Variants in IPO7 observed in about 807,000 individuals in gnomAD.
IPO7 encodes the protein importin-7.
IPO7 carries 13 observed loss-of-function variants against 136.4 expected under a neutral mutation model. The observed-to-expected ratio is 0.10, with a 90% CI of 0.06 to 0.15. IPO7 has a LOEUF of 0.15. IPO7 is among the 10% of genes least tolerant of loss of function. The pLI is 1.00. For missense variants in IPO7, 857 were observed against 1,240.6 expected (o/e 0.69, Z 4.65); for synonymous variants, 403 against 404.4 (o/e 1.00, Z 0.04).
chr11:9,405,100 AATTATT>A (rs541717152), intron 2 of IPO7, among the ~76,000 whole-genome samples: 1 of 151,802 alleles, frequency 6.6e-6, no homozygotes, highest in African/African-American at 2.4e-5. Context: ...GGCAGATAGG[AATTATT>A]ATTATTATTA....
intron 2 of IPO7, chr11:9,403,654 T>C (rs1347851165): frequency 3.1e-6 from 1 of 321,790 alleles, no homozygotes; most frequent in African/African-American, 2.2e-5. Context: ...TGATGGGTGA[T>C]TATAAGACTC....
rs562716918 is a variant in IPO7, at chr11:9,442,247, TA to T, written c.3019+54del. On this transcript the variant is annotated intron_variant, in intron 24 of 24. Coordinates refer to ENST00000379719, the MANE Select transcript of IPO7 (RefSeq NM_006391.3). ...CTTTAATTAGTGACTTTTATAGGTT[TA>T]AAATTTTATATCGTTTAATTTTATA... 2.7e-4 allele frequency: 208 copies of T among 761,646 alleles called. 1 individual carries two copies. The African/African-American group carries it at 3.6e-3, about 13-fold the overall frequency. The allele number at this position is 761,646 out of a possible 1,614,324, so 47.2% of individuals were successfully genotyped here.
At chr11:9,419,623 C>T (rs752532831) in intron 6 of IPO7, among the ~76,000 whole-genome samples, 44 of 141,910 alleles carry the variant, frequency 3.1e-4, no homozygotes, top group Non-Finnish European at 6.0e-5. Context: ...GTATAATGAT[C>T]CAATTCCTTC....
At chr11:9,441,002 T>G (rs545143981) in intron 23 of IPO7, among the ~76,000 whole-genome samples, 1 of 152,218 alleles carries the variant, frequency 6.6e-6, no homozygotes, top group Non-Finnish European at 1.5e-5. Context: ...TTGTATGTTA[T>G]TATTTGTGTG....
intron 5 of IPO7, chr11:9,414,664 T>C (rs1855016422): frequency 5.1e-6 from 1 of 196,550 alleles, no homozygotes; most frequent in African/African-American, 2.5e-5. Context: ...TCTCGTTCTG[T>C]CGCCCAGCTG....
In IPO7 at chr11:9,384,692, T is replaced by C; in HGVS notation, c.-72T>C. Reference sequence around the variant, plus strand: ...GCCGCTGCGGAGCGCGGCGGGTCCATGTGCGCAGTGAGTGGCGCTATTCCT... The same window carrying C: ...GCCGCTGCGGAGCGCGGCGGGTCCACGTGCGCAGTGAGTGGCGCTATTCCT... On this transcript the variant is annotated 5_prime_UTR_variant, in exon 1 of 25. The change abolishes an upstream ATG in the 5' untranslated region. Coordinates refer to ENST00000379719, the MANE Select transcript of IPO7 (RefSeq NM_006391.3). 1 of 1,261,918 alleles carries C rather than the reference T, an allele frequency of 7.9e-7. No homozygotes were observed. The highest frequency in any genetic ancestry group is 1.1e-6 in the Non-Finnish European group (1 of 900,210). 78.2% of individuals were successfully genotyped at this position (1,261,918 alleles called of 1,614,324 possible). A position where few individuals can be genotyped will look rare whatever the true frequency, so the allele number is the denominator to read the frequency against.
At chr11:9,410,236 C>CA in intron 4 of IPO7, 150 bp downstream of exon 4, 1 of 560,436 alleles carries the variant, frequency 1.8e-6, no homozygotes, top group African/African-American at 2.0e-5. Flanking sequence ...TTCTTTTTGA[C>CA]ATAGCATTCT....
At position 9,410,057 on chromosome 11, in the gene IPO7, T is replaced by G; in HGVS notation, c.450T>G (p.Leu150=). The G allele has an allele frequency of 6.2e-7, 1 of 1,601,586 alleles. No individual in the cohort carries two copies. The highest frequency in any genetic ancestry group is 1.1e-5 in the South Asian group (1 of 88,324). Residue 150 remains leucine, a synonymous_variant, in exon 4 of 25, where the codon CTT becomes CTG. Coordinates refer to ENST00000379719, the MANE Select transcript of IPO7 (RefSeq NM_006391.3). ...DNSACWLGIL[L]CLYQLVKNYE... is the part of the protein sequence containing the mutation. ...GTGCTTGTTGGCTAGGAATTCTTCT[T>G]TGCCTTTATCAGCTTGTGAAAAATT...
chr11:9,411,043 A>AC (rs1194066941), intron 4 of IPO7, among the ~76,000 whole-genome samples: 1 of 152,168 alleles, frequency 6.6e-6, no homozygotes, highest in African/African-American at 2.4e-5. Flanking sequence ...CCCACCAGCT[A>AC]CCCATCTTCC....
chr11:9,423,777 G>T lies in IPO7; in HGVS notation c.1042G>T (p.Gly348Cys). 6.4e-7 allele frequency: 1 copy of T among 1,554,884 alleles called. No homozygotes were observed. The highest frequency in any genetic ancestry group is 1.4e-5 in the African/African-American group (1 of 72,496). Residue 348 changes from glycine (G) to cysteine (C), a missense_variant and splice_region_variant, in exon 10 of 25, where the codon GGC (glycine) becomes TGC (cysteine). Physicochemically the swap from Gly to Cys is radical, Grantham distance 159. Around this residue, in one of 11 missense-constraint regions of IPO7, gnomAD observed 127 missense variants for 222.4 expected, o/e 0.57. Transcript: ENST00000379719. The stretch of plus-strand genomic sequence containing the variant: ...TGTTTTCTTAACTTTTAAATTGCAG[G>T]GCATTATCCAAGATGTTATTTTTCC... ...TWKNLKPHIQGIIQDVIFPLM... is the reference protein window; with the variant it reads ...TWKNLKPHIQCIIQDVIFPLM...
rs1854802256 is a variant in IPO7, at chr11:9,401,915, A to AGC, written c.85-1375_85-1374insGC. Among the ~76,000 whole-genome samples, 4 of 152,328 alleles carry AGC rather than the reference A, an allele frequency of 2.6e-5. No homozygotes were observed. The South Asian group carries it at 8.3e-4, about 32-fold the overall frequency. On this transcript the variant is annotated intron_variant, in intron 1 of 24. Transcript: ENST00000379719. ...TATTACCACCTTGGACACTACCCCC[A>AGC]AACTATTCATTGCAATCCGCCTGCC... is the stretch of plus-strand genomic sequence containing the variant.
At chr11:9,417,939 C>T (rs1002874968) in intron 6 of IPO7, among the ~76,000 whole-genome samples, 5 of 151,962 alleles carry the variant, frequency 3.3e-5, no homozygotes, top group African/African-American at 1.2e-4. Context: ...TCTCAAACTT[C>T]TGAGCTCAGG....
At chr11:9,412,511 T>G (rs1239854919) in intron 4 of IPO7, among the ~76,000 whole-genome samples, 1 of 152,216 alleles carries the variant, frequency 6.6e-6, no homozygotes, top group South Asian at 2.1e-4. Flanking sequence ...GTCTGCCTAT[T>G]GACTCCTTAA....
intron 2 of IPO7, among the ~76,000 whole-genome samples, chr11:9,405,216 C>G (rs1467291684): frequency 6.6e-6 from 1 of 151,966 alleles, no homozygotes; most frequent in Non-Finnish European, 1.5e-5. Flanking sequence ...GCTCTGTCGC[C>G]CAGACTGGAG....
Position 9,415,212 on chromosome 11 carries a change from C to G in IPO7, c.636+801C>G, listed in dbSNP as rs895913076. Among the ~76,000 whole-genome samples the G allele has an allele frequency of 2.6e-5, 4 of 151,824 alleles. No homozygotes were observed. The East Asian group carries it at 7.8e-4, about 30-fold the overall frequency. On this transcript the variant is annotated intron_variant, in intron 5 of 24. Coordinates refer to ENST00000379719, the MANE Select transcript of IPO7 (RefSeq NM_006391.3). The stretch of plus-strand genomic sequence containing the variant: ...TGGTACATACCTGTAAACTCTGCTA[C>G]TTGGGAGGCTGAGGCAGGAGAAAAG...
At chr11:9,404,628 C>T (rs1026157250) in intron 2 of IPO7, among the ~76,000 whole-genome samples, 10 of 139,098 alleles carry the variant, frequency 7.2e-5, no homozygotes, top group African/African-American at 1.9e-4. Context: ...TGCGGTGGCG[C>T]GATTTCCGCT....
At chr11:9,402,383 G>C (rs1430806415) in intron 1 of IPO7, among the ~76,000 whole-genome samples, 1 of 108,498 alleles carries the variant, frequency 9.2e-6, no homozygotes, top group East Asian at 3.0e-4. Context: ...CCAGGCGACA[G>C]AGCGAGACTG....
chr11:9,436,405 A>G, intron 20 of IPO7, 39 bp downstream of exon 20: 1 of 1,341,106 alleles, frequency 7.5e-7, no homozygotes, highest in Non-Finnish European at 1.1e-6. Context: ...TCAGAGGGGT[A>G]ATCTTTTCCT....
At chr11:9,392,246 C>T (rs902566899) in intron 1 of IPO7, 5 of 308,072 alleles carry the variant, frequency 1.6e-5, no homozygotes, top group East Asian at 1.3e-4. Context: ...GGCACAATCT[C>T]GGCTCGCCAC....
Sources: gnomAD v4.1 joint callset for allele counts (sites outside exome capture counted in the v4.1 genomes callset) on GRCh38, gnomAD v4.1.1 for gene constraint, gnomAD v4.1.1 regional missense constraint, MANE v1.5 for transcripts, NCBI Gene and HGNC (gene_info 2026-07-23, HGNC 2026-07-21) for gene names.